SORCS1: variants seen among roughly 807,000 people sequenced by gnomAD.
SORCS1 encodes the protein VPS10 domain-containing receptor SorCS1.
Under a neutral mutation model 146.1 loss-of-function variants are expected in SORCS1, and 60 were observed. That is an observed-to-expected ratio of 0.41 (90% CI 0.33 to 0.51). The LOEUF is 0.51. SORCS1 is among the 20% of genes least tolerant of loss of function. The pLI is 0.21. For synonymous variants in SORCS1, 637 were observed against 584.0 expected, an observed-to-expected ratio of 1.09 and a Z score of -1.31; for missense variants, 1,352 against 1,487.6, an observed-to-expected ratio of 0.91 and a Z score of 1.50.
intron 2 of SORCS1, among the ~76,000 whole-genome samples, chr10:106,853,981 T>G (rs1949688787): frequency 6.6e-6 from 1 of 151,942 alleles, no homozygotes; most frequent in African/African-American, 2.4e-5. Context: ...TGGTTGATGG[T>G]GTTGTTGAGT....
intron 2 of SORCS1, among the ~76,000 whole-genome samples, chr10:106,921,525 C>T (rs937917867): frequency 5.3e-5 from 8 of 152,116 alleles, no homozygotes; most frequent in African/African-American, 9.7e-5. Context: ...GATTGAAGAG[C>T]GCAAATCGTA....
At position 107,149,150 on chromosome 10, in the gene SORCS1, C is replaced by T. The variant is rs1326811606; in HGVS notation, c.558+14819G>A. 2.0e-5 allele frequency among the ~76,000 whole-genome samples: 3 copies of T among 152,220 alleles called. No homozygotes were observed. In the South Asian group the frequency reaches 6.2e-4, roughly 31 times the overall value. On this transcript the variant is annotated intron_variant, in intron 1 of 25. Coordinates refer to ENST00000263054, the MANE Select transcript of SORCS1 (RefSeq NM_052918.5). ...CCTGAGAGCACAGCTCCCTCTGTCT[C>T]TGACTATACATACATTTCCGCCCCA...
intron 2 of SORCS1, among the ~76,000 whole-genome samples, chr10:106,844,357 G>C (rs1217937229): frequency 6.6e-6 from 1 of 151,856 alleles, no homozygotes. Context: ...TGTGCTTTTG[G>C]TGTCAAATTA....
chr10:106,648,563 T>C (rs912312580), intron 18 of SORCS1, among the ~76,000 whole-genome samples: 1 of 152,168 alleles, frequency 6.6e-6, no homozygotes, highest in African/African-American at 2.4e-5. Flanking sequence ...TCTTCATTCC[T>C]TCTATTATTT....
At chr10:106,907,773 A>T (rs1951973525) in intron 2 of SORCS1, among the ~76,000 whole-genome samples, 1 of 152,046 alleles carries the variant, frequency 6.6e-6, no homozygotes, top group Admixed American at 6.6e-5. Context: ...CCAAAAATAC[A>T]AAAATTAGCC....
chr10:106,712,196 T>C (rs772737611), intron 6 of SORCS1, among the ~76,000 whole-genome samples: 1 of 152,142 alleles, frequency 6.6e-6, no homozygotes, highest in Non-Finnish European at 1.5e-5. Flanking sequence ...CCTGGCAAAC[T>C]AAAATTAGGA....
At chr10:107,137,776 C>A (rs558193489) in intron 1 of SORCS1, among the ~76,000 whole-genome samples, 1 of 151,536 alleles carries the variant, frequency 6.6e-6, no homozygotes, top group Admixed American at 6.6e-5. Context: ...GCAGGAGAAT[C>A]GCTTGAACCC....
chr10:106,917,480 C>G (rs1021276819), intron 2 of SORCS1, among the ~76,000 whole-genome samples: 2 of 152,062 alleles, frequency 1.3e-5, no homozygotes, highest in Admixed American at 1.3e-4. Context: ...TTAGTATCCC[C>G]GATGGTACTA....
At chr10:106,743,331 C>T (rs184663541) in intron 5 of SORCS1, among the ~76,000 whole-genome samples, 45 of 152,262 alleles carry the variant, frequency 3.0e-4, no homozygotes, top group Non-Finnish European at 4.9e-4. Context: ...CAGGGGTCAC[C>T]ATGCCCTCCT....
chr10:106,997,098 C>T lies in SORCS1; in HGVS notation c.559-40518G>A, dbSNP rs542686734. ...TGGTCCTTTAAGCCCTTACATATAG[C>T]GCTGCCATTCCAAGGCAGGTACCAC... On this transcript the variant is annotated intron_variant, in intron 1 of 25. Coordinates refer to ENST00000263054, the MANE Select transcript of SORCS1 (RefSeq NM_052918.5). Among the ~76,000 whole-genome samples, 9 of 151,948 alleles carry T rather than the reference C, an allele frequency of 5.9e-5. No homozygotes were observed. In the South Asian group the frequency reaches 1.7e-3, roughly 28 times the overall value.
chr10:106,983,191 T>G (rs898508966), intron 1 of SORCS1, among the ~76,000 whole-genome samples: 1 of 123,046 alleles, frequency 8.1e-6, no homozygotes, highest in African/African-American at 5.5e-5. Flanking sequence ...TATTTCTCTA[T>G]ATATACATAT....
chr10:106,881,346 C>T (rs1256139917), intron 2 of SORCS1, among the ~76,000 whole-genome samples: 5 of 152,150 alleles, frequency 3.3e-5, no homozygotes, highest in Non-Finnish European at 5.9e-5. Flanking sequence ...AAATAACTAT[C>T]GTCATTTTGG....
the SORCS1 span, among the ~76,000 whole-genome samples, chr10:107,179,612 T>A: frequency 4.6e-5 from 7 of 152,322 alleles, no homozygotes; most frequent in South Asian, 1.4e-3. Flanking sequence ...TATTTTTAAC[T>A]TTGGCCATTA....
At chr10:107,157,336 AC>A (rs1303317872) in intron 1 of SORCS1, among the ~76,000 whole-genome samples, 1 of 152,064 alleles carries the variant, frequency 6.6e-6, no homozygotes, top group Non-Finnish European at 1.5e-5. Context: ...ACCAAGAATC[AC>A]TCCTACAGTG....
At chr10:106,665,298 G>T (rs1851041777) in intron 17 of SORCS1, among the ~76,000 whole-genome samples, 1 of 151,988 alleles carries the variant, frequency 6.6e-6, no homozygotes, top group African/African-American at 2.4e-5. Context: ...AGGAGAAGGG[G>T]CTTTGTCAAG....
chr10:106,586,782 CCT>C (rs920091419), intron 24 of SORCS1, among the ~76,000 whole-genome samples: 1 of 152,104 alleles, frequency 6.6e-6, no homozygotes, highest in South Asian at 2.1e-4. Flanking sequence ...ATAGCAACAC[CCT>C]GTCTCTACAG....
intron 17 of SORCS1, among the ~76,000 whole-genome samples, chr10:106,664,058 G>A (rs184997811): frequency 2.4e-3 from 372 of 152,278 alleles, no homozygotes; most frequent in Non-Finnish European, 4.0e-3. Flanking sequence ...ACCAGTGGAC[G>A]TGGCAACTTA....
chr10:106,886,264 A>AAAC (rs778803742), intron 2 of SORCS1, among the ~76,000 whole-genome samples: 55 of 152,066 alleles, frequency 3.6e-4, no homozygotes, highest in Admixed American at 9.8e-4. Flanking sequence ...CTCTGTTTCA[A>AAAC]AACAACAACA....
chr10:106,926,404 T>G (rs910647211), intron 2 of SORCS1, among the ~76,000 whole-genome samples: 1 of 152,152 alleles, frequency 6.6e-6, no homozygotes, highest in South Asian at 2.1e-4. Flanking sequence ...CATCTCCTTA[T>G]CTTCCTGAGC....
Sources: gnomAD v4.1 joint callset for allele counts (sites outside exome capture counted in the v4.1 genomes callset) on GRCh38, gnomAD v4.1.1 for gene constraint, MANE v1.5 for transcripts, NCBI Gene and HGNC (gene_info 2026-07-23, HGNC 2026-07-21) for gene names.